Variants in GUCY1A2 observed in about 807,000 individuals in gnomAD.
GUCY1A2 encodes guanylate cyclase 1 soluble subunit alpha 2.
Under a neutral mutation model 63.5 loss-of-function variants are expected in GUCY1A2, and 27 were observed. That is an observed-to-expected ratio of 0.43 (90% confidence interval 0.31 to 0.59). The LOEUF (loss-of-function observed/expected upper bound fraction) is 0.59, where lower values mean the gene tolerates loss of function less well. Ranked by LOEUF, GUCY1A2 falls within the 20% of genes least tolerant of loss-of-function variation. GUCY1A2 has a pLI of 0.11. For synonymous variants in GUCY1A2, 364 were observed against 343.5 expected (o/e 1.06, Z -0.66); for missense variants, 768 against 913.3 (o/e 0.84, Z 2.05).
intron 4 of GUCY1A2, among the ~76,000 whole-genome samples, chr11:106,816,181 A>C (rs867280842): frequency 2.6e-5 from 4 of 151,048 alleles, no homozygotes; most frequent in East Asian, 1.9e-4. Context: ...AAAAAAAAAA[A>C]AAAAAAAACC....
chr11:106,980,150 T>C lies in GUCY1A2; in HGVS notation c.366-1410A>G, dbSNP rs368046902. Among the ~76,000 whole-genome samples, 7 of 152,108 alleles carry C rather than the reference T, an allele frequency of 4.6e-5. No homozygotes were observed. In the East Asian group the frequency reaches 9.6e-4, roughly 21 times the overall value. On this transcript the variant is annotated intron_variant, in intron 2 of 7. Coordinates refer to ENST00000526355, the MANE Select transcript of GUCY1A2 (RefSeq NM_000855.3). The stretch of plus-strand genomic sequence containing the variant: ...ACAAGGAAAAGAAATAGAGCAAAAT[T>C]GGGAGCAACCTAAAGGCCCACCGTT...
chr11:106,898,474 C>T (rs1277866155), intron 4 of GUCY1A2, among the ~76,000 whole-genome samples: 2 of 152,090 alleles, frequency 1.3e-5, no homozygotes, highest in Non-Finnish European at 2.9e-5. Context: ...AGTAAATACA[C>T]TCTGAACATG....
At chr11:106,996,071 T>C (rs1429141768) in intron 1 of GUCY1A2, among the ~76,000 whole-genome samples, 1 of 152,200 alleles carries the variant, frequency 6.6e-6, no homozygotes, top group Non-Finnish European at 1.5e-5. Context: ...CAACCCTAAA[T>C]GCACTAACTC....
At chr11:106,989,525 GAT>G (rs1392262847) in intron 1 of GUCY1A2, among the ~76,000 whole-genome samples, 11 of 152,118 alleles carry the variant, frequency 7.2e-5, no homozygotes, top group Non-Finnish European at 1.6e-4. Flanking sequence ...ATAAATGAGA[GAT>G]ATGGCTATGC....
At chr11:106,997,653 G>C (rs1861558669) in intron 1 of GUCY1A2, among the ~76,000 whole-genome samples, 1 of 120,564 alleles carries the variant, frequency 8.3e-6, no homozygotes, top group African/African-American at 3.3e-5. Context: ...TATATATTAA[G>C]GTTAGACCTC....
chr11:106,740,119 C>G (rs1474747714), intron 6 of GUCY1A2, among the ~76,000 whole-genome samples: 1 of 151,852 alleles, frequency 6.6e-6, no homozygotes, highest in Admixed American at 6.6e-5. Flanking sequence ...CTGCCTCAGC[C>G]TCCCAAGTAG....
intron 1 of GUCY1A2, among the ~76,000 whole-genome samples, chr11:106,990,483 C>G (rs1861456661): frequency 6.6e-6 from 1 of 152,246 alleles, no homozygotes; most frequent in Non-Finnish European, 1.5e-5. Flanking sequence ...CAGGCTCAGA[C>G]AGTCCCGCTG....
chr11:106,809,138 G>A (rs1858731400), intron 5 of GUCY1A2, among the ~76,000 whole-genome samples: 1 of 152,062 alleles, frequency 6.6e-6, no homozygotes, highest in Non-Finnish European at 1.5e-5. Flanking sequence ...ATCTGCTTAT[G>A]TGAAGATCAT....
chr11:106,868,935 T>G (rs982837942), intron 4 of GUCY1A2, among the ~76,000 whole-genome samples: 8 of 151,626 alleles, frequency 5.3e-5, no homozygotes, highest in South Asian at 2.1e-4. Context: ...CAGAACAGAG[T>G]CCTCAGAAAT....
At chr11:106,837,324 G>C (rs1050274400) in intron 4 of GUCY1A2, among the ~76,000 whole-genome samples, 3 of 151,824 alleles carry the variant, frequency 2.0e-5, no homozygotes, top group African/African-American at 7.2e-5. Flanking sequence ...CAAAGGATGT[G>C]ATGTAGTTCT....
At chr11:106,879,733 C>G (rs1046692746) in intron 4 of GUCY1A2, among the ~76,000 whole-genome samples, 2 of 152,032 alleles carry the variant, frequency 1.3e-5, no homozygotes, top group Admixed American at 6.6e-5. Context: ...TTATTAATTA[C>G]TAAGTACCAT....
At chr11:106,835,186 A>G (rs1020149635) in intron 4 of GUCY1A2, among the ~76,000 whole-genome samples, 1 of 151,964 alleles carries the variant, frequency 6.6e-6, no homozygotes, top group African/African-American at 2.4e-5. Flanking sequence ...AAAGAATGAC[A>G]TCACAAAATA....
At chr11:106,826,926 T>G in intron 4 of GUCY1A2, 1 of 1,609,806 alleles carries the variant, frequency 6.2e-7, no homozygotes, top group South Asian at 1.1e-5. Context: ...GAAAAGGTTC[T>G]ATATTCGGTG....
At position 106,680,397 on chromosome 11, in the gene GUCY1A2, T is replaced by C. The variant is rs1862412700; in HGVS notation, c.*7152A>G. ...GAAGAAGACTGAATATAAAGTGATT[T>C]CTTCAGTTTAAAAATATGTATCAAA... On this transcript the variant is annotated 3_prime_UTR_variant, in exon 8 of 8. Transcript: ENST00000526355. 4.8e-6 allele frequency: 1 copy of C among 208,528 alleles called. No homozygotes were observed. Among genetic ancestry groups the C allele is most frequent in the Admixed American group, 5.9e-5 (1 of 16,928 alleles). The allele number at this position is 208,528 out of a possible 1,614,324, so 12.9% of individuals were successfully genotyped here. A position where few individuals can be genotyped will look rare whatever the true frequency, so the allele number is the denominator to read the frequency against.
At chr11:106,885,745 A>C (rs1859889923) in intron 4 of GUCY1A2, among the ~76,000 whole-genome samples, 1 of 152,190 alleles carries the variant, frequency 6.6e-6, no homozygotes, top group African/African-American at 2.4e-5. Flanking sequence ...GTACTTTTGT[A>C]AATGTTTTTA....
intron 6 of GUCY1A2, among the ~76,000 whole-genome samples, chr11:106,757,940 A>G (rs1480060465): frequency 6.6e-6 from 1 of 152,168 alleles, no homozygotes; most frequent in Non-Finnish European, 1.5e-5. Flanking sequence ...AGTCTGCAGA[A>G]GCTTTGCCCA....
intron 6 of GUCY1A2, among the ~76,000 whole-genome samples, chr11:106,758,573 T>C (rs879876203): frequency 6.6e-6 from 1 of 152,192 alleles, no homozygotes; most frequent in Admixed American, 6.5e-5. Context: ...AAATCATCCA[T>C]CTTCTGCATT....
intron 4 of GUCY1A2, among the ~76,000 whole-genome samples, chr11:106,893,667 G>A (rs1860005789): frequency 6.6e-6 from 1 of 152,094 alleles, no homozygotes; most frequent in Admixed American, 6.5e-5. Context: ...GAGAAATGAT[G>A]TCACTGGGCA....
intron 4 of GUCY1A2, among the ~76,000 whole-genome samples, chr11:106,913,024 C>T (rs1171348362): frequency 6.6e-6 from 1 of 152,038 alleles, no homozygotes. Context: ...ATTTTCCAAA[C>T]CTAGGAAAAC....
Sources: gnomAD v4.1 joint callset for allele counts (sites outside exome capture counted in the v4.1 genomes callset) on GRCh38, gnomAD v4.1.1 for gene constraint, MANE v1.5 for transcripts, NCBI Gene and HGNC (gene_info 2026-07-23, HGNC 2026-07-21) for gene names.